MIPOL1: variants seen among roughly 807,000 people sequenced by gnomAD.
The protein encoded by MIPOL1 is mirror-image polydactyly gene 1 protein.
Under a neutral mutation model 60.9 loss-of-function variants are expected in MIPOL1, and 57 were observed. That is an observed-to-expected ratio of 0.94 (90% CI 0.76 to 1.17). The LOEUF (loss-of-function observed/expected upper bound fraction) is 1.17, where lower values mean the gene tolerates loss of function less well. Ranked by LOEUF, MIPOL1 falls within the 50% of genes most tolerant of loss-of-function variation. The probability of loss-of-function intolerance (pLI) is 0.00; values close to 1 mark genes in which losing one functional copy is unlikely to be tolerated. For synonymous variants in MIPOL1, 179 were observed against 168.8 expected (o/e 1.06, Z -0.47); for missense variants, 551 against 511.6 (o/e 1.08, Z -0.74).
chr14:37,294,941 G>A (rs2085484404), intron 7 of MIPOL1, among the ~76,000 whole-genome samples: 1 of 152,102 alleles, frequency 6.6e-6, no homozygotes, highest in Non-Finnish European at 1.5e-5. Flanking sequence ...TCAAATTCAG[G>A]AATTACAGAG....
chr14:37,225,761 T>A (rs1166698820), intron 1 of MIPOL1, among the ~76,000 whole-genome samples: 1 of 152,134 alleles, frequency 6.6e-6, no homozygotes, highest in Non-Finnish European at 1.5e-5. Context: ...TCGGCTTGAA[T>A]TTCTCCTCAG....
At chr14:37,358,207 T>C (rs2091979345) in intron 9 of MIPOL1, among the ~76,000 whole-genome samples, 1 of 152,202 alleles carries the variant, frequency 6.6e-6, no homozygotes, top group Non-Finnish European at 1.5e-5. Context: ...CCATGGTGTA[T>C]ATGTGCCACA....
intron 9 of MIPOL1, among the ~76,000 whole-genome samples, chr14:37,350,824 TG>T (rs1250231348): frequency 6.6e-6 from 1 of 152,176 alleles, no homozygotes; most frequent in Non-Finnish European, 1.5e-5. Context: ...AGTGAGAACA[TG>T]CGATGATCTC....
chr14:37,257,190 A>G (rs1260909191), intron 3 of MIPOL1, among the ~76,000 whole-genome samples: 2 of 151,020 alleles, frequency 1.3e-5, no homozygotes, highest in African/African-American at 2.4e-5. Flanking sequence ...AAGTTATGTA[A>G]TGATGCCATA....
chr14:37,502,500 A>C (rs1022282054), intron 12 of MIPOL1: 1 of 152,564 alleles, frequency 6.6e-6, no homozygotes, highest in Admixed American at 6.5e-5. Context: ...GACCTCCAGC[A>C]AACTCCAACA....
intron 11 of MIPOL1, among the ~76,000 whole-genome samples, chr14:37,484,059 G>T (rs1555356919): frequency 2.6e-5 from 4 of 152,194 alleles, no homozygotes; most frequent in Non-Finnish European, 5.9e-5. Flanking sequence ...TAAAGAAAAT[G>T]TAGTATATAT....
intron 11 of MIPOL1, among the ~76,000 whole-genome samples, chr14:37,467,129 T>G (rs2094608715): frequency 2.0e-5 from 3 of 152,330 alleles, no homozygotes; most frequent in East Asian, 3.9e-4. Flanking sequence ...AATGAATGTT[T>G]TACTAAGTGC....
intron 9 of MIPOL1, among the ~76,000 whole-genome samples, chr14:37,330,188 T>C (rs2089547183): frequency 1.3e-5 from 2 of 152,148 alleles, no homozygotes; most frequent in South Asian, 4.1e-4. Context: ...ACATTCTGAT[T>C]ATTCATATTA....
At chr14:37,304,909 C>T (rs914127840) in intron 7 of MIPOL1, among the ~76,000 whole-genome samples, 1 of 151,710 alleles carries the variant, frequency 6.6e-6, no homozygotes, top group Non-Finnish European at 1.5e-5. Flanking sequence ...GGTTGAAATT[C>T]TTTTGTCTAA....
chr14:37,514,003 A>G (rs866487056), intron 12 of MIPOL1, among the ~76,000 whole-genome samples: 1 of 152,166 alleles, frequency 6.6e-6, no homozygotes, highest in African/African-American at 2.4e-5. Context: ...AAAGACCAGA[A>G]TTTTTATTAT....
intron 12 of MIPOL1, among the ~76,000 whole-genome samples, chr14:37,527,541 A>G (rs1317425917): frequency 6.6e-6 from 1 of 152,102 alleles, no homozygotes; most frequent in Non-Finnish European, 1.5e-5. Context: ...ATCTCTTCCA[A>G]TGCAAATATC....
chr14:37,428,550 T>G (rs1020021398), intron 11 of MIPOL1, among the ~76,000 whole-genome samples: 1 of 152,062 alleles, frequency 6.6e-6, no homozygotes, highest in African/African-American at 2.4e-5. Context: ...ATCACACCAG[T>G]GTACTCCAGC....
chr14:37,324,399 TTA>T (rs542468279), intron 9 of MIPOL1, among the ~76,000 whole-genome samples: 216 of 152,248 alleles, frequency 1.4e-3, no homozygotes, highest in African/African-American at 4.8e-3. Flanking sequence ...TTGCCCAATT[TTA>T]TTTTGGATGA....
intron 11 of MIPOL1, among the ~76,000 whole-genome samples, chr14:37,482,304 C>G (rs2094883392): frequency 6.6e-6 from 1 of 152,042 alleles, no homozygotes; most frequent in Non-Finnish European, 1.5e-5. Context: ...ATACAGATAG[C>G]CAGTAGATAT....
chr14:37,484,958 T>C (rs955235096), intron 11 of MIPOL1, among the ~76,000 whole-genome samples: 1 of 152,190 alleles, frequency 6.6e-6, no homozygotes, highest in Non-Finnish European at 1.5e-5. Context: ...ACCCGTTACC[T>C]ACATTAGGTA....
chr14:37,237,110 A>G (rs36112910), intron 1 of MIPOL1, among the ~76,000 whole-genome samples: 32,173 of 151,488 alleles, frequency 0.21, 3,842 homozygotes, highest in South Asian at 0.32. Flanking sequence ...TGTCTTCCCC[A>G]GTCATTTCTT....
At chr14:37,341,409 G>A (rs2090563813) in intron 9 of MIPOL1, among the ~76,000 whole-genome samples, 1 of 152,162 alleles carries the variant, frequency 6.6e-6, no homozygotes, top group Admixed American at 6.5e-5. Flanking sequence ...GAAATTAAAA[G>A]GTGAGAAATA....
chr14:37,203,260 T>A (rs1212761212), intron 1 of MIPOL1, among the ~76,000 whole-genome samples: 1 of 152,224 alleles, frequency 6.6e-6, no homozygotes, highest in African/African-American at 2.4e-5. Flanking sequence ...TAAGTGTGGC[T>A]CACTACCTGT....
At chr14:37,342,894 T>A (rs1368367672) in intron 9 of MIPOL1, among the ~76,000 whole-genome samples, 3 of 143,424 alleles carry the variant, frequency 2.1e-5, no homozygotes, top group African/African-American at 7.7e-5. Flanking sequence ...TATGGATAAT[T>A]TAATAGTTTA....
Sources: gnomAD v4.1 joint callset for allele counts (sites outside exome capture counted in the v4.1 genomes callset) on GRCh38, gnomAD v4.1.1 for gene constraint, MANE v1.5 for transcripts, NCBI Gene and HGNC (gene_info 2026-07-23, HGNC 2026-07-21) for gene names.